RNF220: variants seen among roughly 807,000 people sequenced by gnomAD.
RNF220 encodes E3 ubiquitin-protein ligase RNF220.
RNF220 carries 7 observed loss-of-function variants against 67.1 expected under a neutral mutation model. That is an observed-to-expected ratio of 0.10 (90% CI 0.06 to 0.20). The LOEUF is 0.20. Ranked by LOEUF, RNF220 falls within the 10% of genes least tolerant of loss-of-function variation. The pLI is 1.00. For missense variants in RNF220, 565 were observed against 740.3 expected, an observed-to-expected ratio of 0.76 and a Z score of 2.75; for synonymous variants, 270 against 283.2, an observed-to-expected ratio of 0.95 and a Z score of 0.47.
At chr1:44,599,752 G>A (rs948709240) in intron 2 of RNF220, among the ~76,000 whole-genome samples, 1 of 152,236 alleles carries the variant, frequency 6.6e-6, no homozygotes, top group East Asian at 1.9e-4. Flanking sequence ...CAGATGAAGA[G>A]CTACATTTTG....
At chr1:44,615,436 G>A (rs1643503042) in intron 3 of RNF220, among the ~76,000 whole-genome samples, 1 of 152,124 alleles carries the variant, frequency 6.6e-6, no homozygotes, top group South Asian at 2.1e-4. Flanking sequence ...TGCTGTCTTT[G>A]GAAAATATAA....
chr1:44,618,044 T>C (rs1450480676), intron 3 of RNF220, among the ~76,000 whole-genome samples: 1 of 152,156 alleles, frequency 6.6e-6, no homozygotes, highest in Non-Finnish European at 1.5e-5. Context: ...TGCCGCCAGG[T>C]GCCCTCCATC....
intron 1 of RNF220, among the ~76,000 whole-genome samples, chr1:44,405,889 G>A (rs1055685162): frequency 6.6e-6 from 1 of 152,214 alleles, no homozygotes; most frequent in Non-Finnish European, 1.5e-5. Flanking sequence ...AAGGGAGCAG[G>A]ACTTCTTTTC....
At chr1:44,568,722 G>A (rs996864450) in intron 2 of RNF220, among the ~76,000 whole-genome samples, 1 of 152,228 alleles carries the variant, frequency 6.6e-6, no homozygotes, top group African/African-American at 2.4e-5. Context: ...GAGAGGCTGG[G>A]ACGCGTGCAG....
intron 2 of RNF220, among the ~76,000 whole-genome samples, chr1:44,591,842 T>C (rs1666137429): frequency 6.6e-6 from 1 of 151,960 alleles, no homozygotes; most frequent in Non-Finnish European, 1.5e-5. Flanking sequence ...TTCACTCCAC[T>C]CTTCCTTCTC....
chr1:44,574,636 T>C (rs1045332341), intron 2 of RNF220, among the ~76,000 whole-genome samples: 2 of 152,158 alleles, frequency 1.3e-5, no homozygotes, highest in African/African-American at 2.4e-5. Flanking sequence ...AGCACCCAGG[T>C]CAGCCTGCCC....
intron 2 of RNF220, among the ~76,000 whole-genome samples, chr1:44,461,901 TTTTTTTCTTTTC>T (rs1653795422): frequency 1.3e-5 from 2 of 149,926 alleles, no homozygotes; most frequent in Non-Finnish European, 3.0e-5. Context: ...ATGTATCATA[TTTTTTTCTTTTC>T]TTTTTTCTTT....
intron 8 of RNF220, among the ~76,000 whole-genome samples, chr1:44,639,156 G>A (rs1476229932): frequency 1.3e-5 from 2 of 152,258 alleles, no homozygotes; most frequent in Non-Finnish European, 2.9e-5. Context: ...TAGAGAAGCA[G>A]ACTACAGGGG....
At chr1:44,557,474 CTG>C (rs1483324091) in intron 2 of RNF220, among the ~76,000 whole-genome samples, 2 of 151,754 alleles carry the variant, frequency 1.3e-5, no homozygotes, top group African/African-American at 4.8e-5. Flanking sequence ...GAGAGCGAAA[CTG>C]TTCATTTTTA....
chr1:44,545,072 G>C (rs1662011588), intron 2 of RNF220, among the ~76,000 whole-genome samples: 1 of 152,240 alleles, frequency 6.6e-6, no homozygotes, highest in Non-Finnish European at 1.5e-5. Flanking sequence ...TTACGCCGTA[G>C]TTCTCTAGGA....
chr1:44,484,006 A>C (rs917360313), intron 2 of RNF220, among the ~76,000 whole-genome samples: 2 of 151,994 alleles, frequency 1.3e-5, no homozygotes, highest in African/African-American at 4.8e-5. Context: ...ATGTCTCCAA[A>C]ATCTGGGAAT....
At chr1:44,594,406 G>A (rs919845971) in intron 2 of RNF220, among the ~76,000 whole-genome samples, 66 of 152,180 alleles carry the variant, frequency 4.3e-4, no homozygotes, top group African/African-American at 1.5e-3. Context: ...GGAGCCCATC[G>A]GGCAGAGCAG....
intron 2 of RNF220, among the ~76,000 whole-genome samples, chr1:44,464,660 G>A (rs1654104864): frequency 6.6e-6 from 1 of 152,166 alleles, no homozygotes. Context: ...CAAAGAAACA[G>A]CAACTTTCCT....
chr1:44,458,099 A>G (rs1244401376), intron 2 of RNF220, among the ~76,000 whole-genome samples: 1 of 152,012 alleles, frequency 6.6e-6, no homozygotes, highest in African/African-American at 2.4e-5. Flanking sequence ...TCTACACAAA[A>G]TAAAAAATAA....
rs201234594 is a variant in RNF220, at chr1:44,479,736, G to A, written c.625+67014G>A. Among the ~76,000 whole-genome samples the A allele has an allele frequency of 5.4e-4, 82 of 152,314 alleles. No individual in the cohort carries two copies. The East Asian group carries it at 7.9e-3, about 15-fold the overall frequency. On this transcript the variant is annotated intron_variant, in intron 2 of 14. Coordinates refer to ENST00000361799, the MANE Select transcript of RNF220 (RefSeq NM_018150.4). ...ATCTCTTACTAGAGAGATTGGAGAT[G>A]AGAAAGTTTTATTTTTCAACCCCAC...
chr1:44,416,835 A>T (rs1484850544), intron 2 of RNF220, among the ~76,000 whole-genome samples: 1 of 152,198 alleles, frequency 6.6e-6, no homozygotes, highest in Non-Finnish European at 1.5e-5. Flanking sequence ...TCTTTGATGT[A>T]CTTGAACAGC....
At position 44,417,228 on chromosome 1, in the gene RNF220, ACT is replaced by A. The variant is rs1434917898; in HGVS notation, c.625+4510_625+4511del. Among the ~76,000 whole-genome samples, 1 of 150,968 alleles carries A rather than the reference ACT, an allele frequency of 6.6e-6. No homozygotes were observed. The highest frequency in any genetic ancestry group is 1.5e-5 in the Non-Finnish European group (1 of 67,736). Reference sequence around the variant, plus strand: ...GTCCTGACTGCCCAGACCTAGCCTGACTCTCCCTCAGCTGCTCCCGGGTTCTC... The same window carrying A: ...GTCCTGACTGCCCAGACCTAGCCTGACTCCCTCAGCTGCTCCCGGGTTCTC... On this transcript the variant is annotated intron_variant, in intron 2 of 14. Transcript: ENST00000361799. This position sits in a 1 kb window ranked among gnomAD's most constrained non-coding sequence, Gnocchi z 4.0.
intron 2 of RNF220, among the ~76,000 whole-genome samples, chr1:44,546,326 G>A (rs1284862591): frequency 6.6e-6 from 1 of 152,086 alleles, no homozygotes; most frequent in Non-Finnish European, 1.5e-5. Flanking sequence ...CTAAGAGGTC[G>A]CATGGCTAGG....
chr1:44,430,194 C>T (rs1650214191), intron 2 of RNF220, among the ~76,000 whole-genome samples: 1 of 151,882 alleles, frequency 6.6e-6, no homozygotes, highest in Non-Finnish European at 1.5e-5. Flanking sequence ...GGAAGTATGA[C>T]TAGGTAGGAA....
Sources: allele counts gnomAD v4.1 joint callset (sites outside exome capture counted in the v4.1 genomes callset), GRCh38; gene constraint gnomAD v4.1.1; non-coding constraint Gnocchi (gnomAD v3.1); transcripts MANE v1.5; gene names NCBI Gene and HGNC (gene_info 2026-07-23, HGNC 2026-07-21).